The following PLCB1 variants were observed in gnomAD, a reference collection of about 807,000 sequenced individuals.
PLCB1 encodes phospholipase C beta 1, also known as 1-phosphatidylinositol 4,5-bisphosphate phosphodiesterase beta-1.
In PLCB1, 46 loss-of-function variants were observed where a neutral mutation model predicts 161.8. The observed-to-expected ratio is 0.28, with a 90% CI of 0.22 to 0.36. PLCB1 has a LOEUF of 0.36. PLCB1 is among the 10% of genes least tolerant of loss of function. The pLI is 1.00. For synonymous variants in PLCB1, 517 were observed against 503.7 expected (o/e 1.03, Z -0.35); for missense variants, 1,016 against 1,472.5 (o/e 0.69, Z 5.07).
At chr20:8,424,088 G>A (rs1455712623) in intron 3 of PLCB1, among the ~76,000 whole-genome samples, 1 of 151,970 alleles carries the variant, frequency 6.6e-6, no homozygotes, top group Non-Finnish European at 1.5e-5. Flanking sequence ...ATTCCTTATT[G>A]GCCTTGGTAG....
At position 8,567,281 on chromosome 20, in the gene PLCB1, C is replaced by T. The variant is rs556267278; in HGVS notation, c.247-61013C>T. ...TAGAGTTTTAACTTAAAGTTAAAAG[C>T]GGAGGGGTGCTAAAATGTTGACTCT... On this transcript the variant is annotated intron_variant, in intron 3 of 31. Coordinates refer to ENST00000338037, the MANE Select transcript of PLCB1 (RefSeq NM_015192.4). Among the ~76,000 whole-genome samples the T allele has an allele frequency of 1.6e-4, 24 of 152,164 alleles. 1 individual carries two copies. Among genetic ancestry groups the T allele is most frequent in the South Asian group, 6.2e-4 (3 of 4,822 alleles).
chr20:8,378,111 C>A (rs1476268212), intron 3 of PLCB1, among the ~76,000 whole-genome samples: 1 of 152,178 alleles, frequency 6.6e-6, no homozygotes, highest in African/African-American at 2.4e-5. Context: ...GTACCAACGT[C>A]CATCGATGGA....
At chr20:8,760,540 C>T in intron 25 of PLCB1, 80 bp downstream of exon 25, 2 of 947,222 alleles carry the variant, frequency 2.1e-6, no homozygotes, top group South Asian at 1.6e-5. Context: ...AGGAAATTTC[C>T]ATTCATATCT....
At chr20:8,750,336 A>G (rs775558392) in intron 23 of PLCB1, among the ~76,000 whole-genome samples, 1 of 152,330 alleles carries the variant, frequency 6.6e-6, no homozygotes, top group Non-Finnish European at 1.5e-5. Flanking sequence ...TATCCAGCTC[A>G]TTAAAGCTGT....
intron 3 of PLCB1, among the ~76,000 whole-genome samples, chr20:8,522,000 G>A (rs1414861031): frequency 6.6e-6 from 1 of 152,158 alleles, no homozygotes; most frequent in Non-Finnish European, 1.5e-5. Flanking sequence ...CTAGAACAGT[G>A]AGTGCTGACA....
chr20:8,228,855 C>G (rs1180046135), intron 2 of PLCB1, among the ~76,000 whole-genome samples: 1 of 152,046 alleles, frequency 6.6e-6, no homozygotes, highest in Non-Finnish European at 1.5e-5. Context: ...GGGTAATTAG[C>G]ATATCTATCA....
intron 2 of PLCB1, among the ~76,000 whole-genome samples, chr20:8,334,258 A>T (rs560350185): frequency 1.3e-5 from 2 of 152,296 alleles, no homozygotes; most frequent in Middle Eastern, 6.8e-3. Context: ...TTAAAGCTAG[A>T]TCTTTCTGTT....
At chr20:8,284,057 A>G (rs1983000673) in intron 2 of PLCB1, among the ~76,000 whole-genome samples, 1 of 151,920 alleles carries the variant, frequency 6.6e-6, no homozygotes, top group African/African-American at 2.4e-5. Context: ...TAGAATAAAT[A>G]TTTATTTGTA....
At chr20:8,595,105 AT>A (rs1279208346) in intron 3 of PLCB1, among the ~76,000 whole-genome samples, 3 of 151,858 alleles carry the variant, frequency 2.0e-5, no homozygotes, top group Non-Finnish European at 4.4e-5. Flanking sequence ...ATATTTATTT[AT>A]TTTTTTATTA....
chr20:8,539,767 T>C (rs1478954511), intron 3 of PLCB1, among the ~76,000 whole-genome samples: 1 of 151,012 alleles, frequency 6.6e-6, no homozygotes, highest in Non-Finnish European at 1.5e-5. Context: ...TTTCCTTCCT[T>C]CTTTCCTTCC....
chr20:8,836,783 A>T (rs1298289755), intron 31 of PLCB1, among the ~76,000 whole-genome samples: 2 of 152,196 alleles, frequency 1.3e-5, no homozygotes, highest in African/African-American at 2.4e-5. Context: ...TTCTATTGTC[A>T]TCGAACAAAG....
chr20:8,683,960 T>C (rs1173634952), intron 9 of PLCB1, among the ~76,000 whole-genome samples: 1 of 151,810 alleles, frequency 6.6e-6, no homozygotes, highest in Non-Finnish European at 1.5e-5. Context: ...CTCAGCTCAC[T>C]GCAAACTCCA....
At position 8,236,027 on chromosome 20, in the gene PLCB1, A is replaced by G. The variant is rs1304544389; in HGVS notation, c.177+85656A>G. ...GTTCTTTCCAAATTAAATTACTACA[A>G]ATTCAGTTAAAGTTAGGAAGGTGTT... is the stretch of plus-strand genomic sequence containing the variant. On this transcript the variant is annotated intron_variant, in intron 2 of 31. Coordinates refer to ENST00000338037, the MANE Select transcript of PLCB1 (RefSeq NM_015192.4). Among the ~76,000 whole-genome samples the G allele has an allele frequency of 2.0e-5, 3 of 152,118 alleles. No homozygotes were observed. In the East Asian group the frequency reaches 5.8e-4, roughly 29 times the overall value.
chr20:8,661,925 C>T (rs1172528496), intron 9 of PLCB1, among the ~76,000 whole-genome samples: 1 of 44,186 alleles, frequency 2.3e-5, no homozygotes, highest in African/African-American at 8.4e-5. Context: ...TAGAGATTTG[C>T]ACTCCTCTTA....
chr20:8,601,116 G>A (rs1441537341), intron 3 of PLCB1, among the ~76,000 whole-genome samples: 1 of 152,158 alleles, frequency 6.6e-6, no homozygotes, highest in East Asian at 1.9e-4. Flanking sequence ...CGGCCATCTT[G>A]GCTCCTCCCC....
intron 2 of PLCB1, among the ~76,000 whole-genome samples, chr20:8,224,762 C>G (rs934632844): frequency 6.6e-6 from 1 of 152,128 alleles, no homozygotes; most frequent in Non-Finnish European, 1.5e-5. Flanking sequence ...CCGCCCACCA[C>G]GCCACCCCTA....
intron 31 of PLCB1, among the ~76,000 whole-genome samples, chr20:8,842,225 G>C (rs958033692): frequency 6.6e-6 from 1 of 152,076 alleles, no homozygotes; most frequent in African/African-American, 2.4e-5. Flanking sequence ...TGCTTACATA[G>C]AAAGCGCATG....
intron 26 of PLCB1, among the ~76,000 whole-genome samples, chr20:8,769,779 A>G (rs954578180): frequency 1.3e-5 from 2 of 152,204 alleles, no homozygotes; most frequent in Non-Finnish European, 2.9e-5. Flanking sequence ...AGCAAAGTAT[A>G]AGACATATTA....
chr20:8,657,076 AG>A, intron 7 of PLCB1, 107 bp from the exon 8 acceptor site: 1 of 695,238 alleles, frequency 1.4e-6, no homozygotes, highest in Non-Finnish European at 2.6e-6. Flanking sequence ...AGGTGAGGGA[AG>A]GGGGGAAGAA....
Sources: gnomAD v4.1 joint callset for allele counts (sites outside exome capture counted in the v4.1 genomes callset) on GRCh38, gnomAD v4.1.1 for gene constraint, MANE v1.5 for transcripts, NCBI Gene and HGNC (gene_info 2026-07-23, HGNC 2026-07-21) for gene names.